The following SEPTIN6 variants were observed in gnomAD, a reference collection of about 807,000 sequenced individuals.
SEPTIN6 encodes septin 6.
In SEPTIN6, 8 loss-of-function variants were observed where a neutral mutation model predicts 33.6. The ratio of observed to expected loss-of-function variants is 0.24; its 90% CI spans 0.14 to 0.43. The LOEUF is 0.43. Ranked by LOEUF, SEPTIN6 falls within the 20% of genes least tolerant of loss-of-function variation. The pLI is 1.00. For missense variants in SEPTIN6, 250 were observed against 340.8 expected, an observed-to-expected ratio of 0.73 and a Z score of 2.10; for synonymous variants, 131 against 140.0, an observed-to-expected ratio of 0.94 and a Z score of 0.45.
At chrX:119,651,328 G>A (rs2054347595) in intron 4 of SEPTIN6, among the ~76,000 whole-genome samples, 2 of 112,083 alleles carry the variant, frequency 1.8e-5, no homozygotes, top group African/African-American at 3.2e-5. Flanking sequence ...GAAACAGCAG[G>A]CAGAGCCTAT....
chrX:119,678,314 A>C (rs986458002), intron 1 of SEPTIN6, among the ~76,000 whole-genome samples: 1 of 110,217 alleles, frequency 9.1e-6, no homozygotes, highest in African/African-American at 3.3e-5. Flanking sequence ...AGGTCAGGAG[A>C]TGGAGACCAT....
rs763838637 is a variant in SEPTIN6, at chrX:119,647,039, G to A, written c.690+2898C>T. On this transcript the variant is annotated intron_variant, in intron 5 of 10. Transcript: ENST00000394610. ...CCAATTCAGGCACACTAGCTGTGAG[G>A]CCACTCCTCTCTTTCCCACTCAAAA... is the stretch of plus-strand genomic sequence containing the variant. 1.4e-3 allele frequency among the ~76,000 whole-genome samples: 159 copies of A among 110,512 alleles called. 2 individuals are homozygous for A. In the Middle Eastern group the frequency reaches 0.028, roughly 19 times the overall value.
chrX:119,635,442 C>CG (rs920716716), intron 7 of SEPTIN6, among the ~76,000 whole-genome samples: 3 of 110,260 alleles, frequency 2.7e-5, no homozygotes, highest in Non-Finnish European at 5.7e-5. Context: ...GAAAGAATCC[C>CG]GGGGGGTATA....
At chrX:119,685,394 G>A (rs1321455667) in intron 1 of SEPTIN6, among the ~76,000 whole-genome samples, 2 of 111,126 alleles carry the variant, frequency 1.8e-5, no homozygotes, top group East Asian at 5.6e-4. Flanking sequence ...GGAAGGGGTG[G>A]GGTTCAATTC....
intron 9 of SEPTIN6, 145 bp downstream of exon 9, chrX:119,629,172 AC>A (rs1017176237): frequency 9.7e-6 from 5 of 517,244 alleles, no homozygotes; most frequent in African/African-American, 7.1e-5. Context: ...GGATGCTGGG[AC>A]CAGTTATAGG....
At chrX:119,686,489 C>G (rs1465096986) in intron 1 of SEPTIN6, 4 of 569,311 alleles carry the variant, frequency 7.0e-6, no homozygotes, top group Non-Finnish European at 7.6e-6. Context: ...GCTGAGAGCG[C>G]GCTGCATAAT....
chrX:119,648,543 C>G (rs1411712644), intron 5 of SEPTIN6, among the ~76,000 whole-genome samples: 1 of 111,679 alleles, frequency 9.0e-6, no homozygotes, highest in Admixed American at 9.6e-5. Context: ...ATGCCCACGG[C>G]CGGTCAGAGA....
Position 119,629,478 on chromosome X carries a change from G to C in SEPTIN6, c.1120C>G (p.Leu374Val), listed in dbSNP as rs769023146. Residue 374 changes from leucine (L) to valine (V), a missense_variant, in exon 9 of 11, where the codon CTG (leucine) becomes GTG (valine). Around this residue, in one of 2 missense-constraint regions of SEPTIN6, gnomAD observed 139 missense variants for 227.0 expected, o/e 0.61. Coordinates refer to ENST00000394610, the MANE Select transcript of SEPTIN6 (RefSeq NM_145799.4). Reference sequence around the variant, plus strand: ...AGTTTCTTCTTCTCGTCCTGGTGCAGTTTCTTCAGACGGTCAAACTTCTCG... The same window carrying C: ...AGTTTCTTCTTCTCGTCCTGGTGCACTTTCTTCAGACGGTCAAACTTCTCG... ...LHEKFDRLKKLHQDEKKKLED... is the reference protein window; with the variant it reads ...LHEKFDRLKKVHQDEKKKLED... 2 of 1,209,528 alleles carry C rather than the reference G, an allele frequency of 1.7e-6. No individual in the cohort carries two copies. The highest frequency in any genetic ancestry group is 2.2e-6 in the Non-Finnish European group (2 of 895,015).
In SEPTIN6 at chrX:119,617,030, CAA is replaced by C. The variant is rs764700513; in HGVS notation, c.*3061_*3062del. The stretch of plus-strand genomic sequence containing the variant: ...AATGATTAAAACAAAAAAACAAAAA[CAA>C]GAGCCATCTACACTGCAGCTAGGGA... On this transcript the variant is annotated 3_prime_UTR_variant, in exon 11 of 11. Coordinates refer to ENST00000394610, the MANE Select transcript of SEPTIN6 (RefSeq NM_145799.4). The C allele has an allele frequency of 9.6e-3, 9,306 of 968,829 alleles. 41 individuals are homozygous for C. Among genetic ancestry groups the C allele is most frequent in the Middle Eastern group, 0.014 (31 of 2,263 alleles). 79.8% of individuals were successfully genotyped at this position (968,829 alleles called of 1,213,427 possible).
chrX:119,671,792 G>A lies in SEPTIN6; in HGVS notation c.145+3762C>T, dbSNP rs191303294. 2.7e-5 allele frequency among the ~76,000 whole-genome samples: 3 copies of A among 111,509 alleles called. No homozygotes were observed. The East Asian group carries it at 8.6e-4, about 32-fold the overall frequency. On this transcript the variant is annotated intron_variant, in intron 2 of 10. Coordinates refer to ENST00000394610, the MANE Select transcript of SEPTIN6 (RefSeq NM_145799.4). ...AAAAGAAAAGAAAAGAAAATACTTT[G>A]GGGAAATATATTCTATGCCCAAACA...
intron 3 of SEPTIN6, among the ~76,000 whole-genome samples, chrX:119,660,261 G>C (rs763359215): frequency 1.1e-4 from 12 of 112,007 alleles, no homozygotes; most frequent in Non-Finnish European, 2.3e-4. Flanking sequence ...TTGTAAAGCG[G>C]GATATTCTAA....
In SEPTIN6 at chrX:119,686,595, C is replaced by T. The variant is rs180776376; in HGVS notation, c.30+6481G>A. The T allele has an allele frequency of 7.2e-6, 7 of 966,438 alleles. No homozygotes were observed. The African/African-American group carries it at 8.0e-5, about 11-fold the overall frequency. The allele number at this position is 966,438 out of a possible 1,213,427, so 79.6% of individuals were successfully genotyped here. A position where few individuals can be genotyped will look rare whatever the true frequency, so the allele number is the denominator to read the frequency against. ...ATGTGGCCTCCTTCCTCTGTGCAGG[C>T]GGCAGAGAAACCCACGGTTTCAAAT... On this transcript the variant is annotated intron_variant, in intron 1 of 10. Coordinates refer to ENST00000394610, the MANE Select transcript of SEPTIN6 (RefSeq NM_145799.4).
At chrX:119,677,021 C>A (rs1037791344) in intron 1 of SEPTIN6, among the ~76,000 whole-genome samples, 1 of 112,248 alleles carries the variant, frequency 8.9e-6, no homozygotes. Context: ...AAGCCCTTAG[C>A]GTAGTGCCTA....
At chrX:119,646,759 G>A in intron 5 of SEPTIN6, 2 of 296,415 alleles carry the variant, frequency 6.7e-6, no homozygotes, top group Non-Finnish European at 7.3e-6. Flanking sequence ...AATTGGCTGG[G>A]GTGGCTGAGG....
chrX:119,618,939 C>A lies in SEPTIN6; in HGVS notation c.*1154G>T. 1 of 1,017,004 alleles carries A rather than the reference C, an allele frequency of 9.8e-7. No homozygotes were observed. The highest frequency in any genetic ancestry group is 1.3e-6 in the Non-Finnish European group (1 of 794,823). The allele number at this position is 1,017,004 out of a possible 1,213,427, so 83.8% of individuals were successfully genotyped here. A position where few individuals can be genotyped will look rare whatever the true frequency, so the allele number is the denominator to read the frequency against. On this transcript the variant is annotated 3_prime_UTR_variant, in exon 11 of 11. Coordinates refer to ENST00000394610, the MANE Select transcript of SEPTIN6 (RefSeq NM_145799.4). The stretch of plus-strand genomic sequence containing the variant: ...CTCTACTTCACAGAGGTTCCCAAAG[C>A]CACTATCAGATGGGACCCATGATAA...
intron 2 of SEPTIN6, among the ~76,000 whole-genome samples, chrX:119,669,611 T>C (rs1231401981): frequency 8.9e-6 from 1 of 111,908 alleles, no homozygotes; most frequent in Non-Finnish European, 1.9e-5. Context: ...TGCAGTGATG[T>C]CATGTTGGTA....
chrX:119,651,934 TA>T (rs1329995744), intron 4 of SEPTIN6, among the ~76,000 whole-genome samples: 3 of 112,273 alleles, frequency 2.7e-5, no homozygotes, highest in Admixed American at 1.9e-4. Flanking sequence ...TGAATTCGAT[TA>T]TTTTTTTGAT....
At chrX:119,625,235 A>C (rs2053841104) in intron 10 of SEPTIN6, 100 bp downstream of exon 10, 2 of 561,165 alleles carry the variant, frequency 3.6e-6, no homozygotes, top group Non-Finnish European at 6.1e-6. Context: ...CCAATGAAGC[A>C]GCTTCTTCTA....
At chrX:119,651,093 C>T (rs781563237) in intron 4 of SEPTIN6, among the ~76,000 whole-genome samples, 1 of 106,108 alleles carries the variant, frequency 9.4e-6, no homozygotes, top group East Asian at 3.0e-4. Flanking sequence ...TAGACTCCAA[C>T]GGGGGGTGGG....
Sources: allele counts gnomAD v4.1 joint callset (sites outside exome capture counted in the v4.1 genomes callset), GRCh38; gene constraint gnomAD v4.1.1; regional missense constraint gnomAD v4.1.1; transcripts MANE v1.5; gene names NCBI Gene and HGNC (gene_info 2026-07-23, HGNC 2026-07-21).